The following MMP17 variants were observed in gnomAD, a reference collection of about 807,000 sequenced individuals.
MMP17 encodes matrix metalloproteinase-17.
Under a neutral mutation model 49.1 loss-of-function variants are expected in MMP17, and 54 were observed. That is an observed-to-expected ratio of 1.10 (90% CI 0.88 to 1.38). The LOEUF is 1.38. Ranked by LOEUF, MMP17 falls within the 40% of genes most tolerant of loss-of-function variation. The pLI is 0.00. For synonymous variants in MMP17, 397 were observed against 383.1 expected, an observed-to-expected ratio of 1.04 and a Z score of -0.42; for missense variants, 837 against 853.7, an observed-to-expected ratio of 0.98 and a Z score of 0.24.
At position 131,838,146 on chromosome 12, in the gene MMP17, T is replaced by G. The variant is rs765869796; in HGVS notation, c.160-49T>G. ...GGCCCGTGGCAGGCTTCTCACTGGG[T>G]AGGACCGGGCCCTCTGTTGCACCCC... On this transcript the variant is annotated intron_variant, in intron 1 of 9. Transcript: ENST00000360564. 35 of 1,554,914 alleles carry G rather than the reference T, an allele frequency of 2.3e-5. No individual in the cohort carries two copies. In the South Asian group the frequency reaches 4.2e-4, roughly 19 times the overall value.
chr12:131,845,040 C>A, intron 6 of MMP17, 78 bp from the exon 7 acceptor site: 1 of 1,358,444 alleles, frequency 7.4e-7, no homozygotes, highest in South Asian at 1.2e-5. Context: ...CCGCTCAGGT[C>A]AGGGGCTCTG....
intron 2 of MMP17, 119 bp downstream of exon 2, chr12:131,838,446 C>T (rs1887197765): frequency 1.4e-6 from 2 of 1,465,654 alleles, no homozygotes; most frequent in South Asian, 1.4e-5. Context: ...TGGGTCCTGG[C>T]CTGGTGTAGC....
intron 9 of MMP17, 137 bp from the exon 10 acceptor site, chr12:131,850,788 A>G (rs1593241054): frequency 4.8e-6 from 2 of 417,420 alleles, no homozygotes; most frequent in East Asian, 1.3e-4. Flanking sequence ...GTCTTGTGCA[A>G]GCCCCCTGCT....
Position 131,828,594 on chromosome 12 carries a change from C to T in MMP17, c.100C>T (p.Arg34Cys). 1 of 963,930 alleles carries T rather than the reference C, an allele frequency of 1.0e-6. No individual in the cohort carries two copies. The highest frequency in any genetic ancestry group is 1.3e-6 in the Non-Finnish European group (1 of 792,778). 59.7% of individuals were successfully genotyped at this position (963,930 alleles called of 1,614,324 possible). Residue 34 changes from arginine to cysteine, a missense_variant, in exon 1 of 10, where the codon CGC (arginine) becomes TGC (cysteine). Transcript: ENST00000360564. ...GCTGCTGCTGCTGGCGCTGGGGACC[C>T]GCGGGGGCTGCGCCGCGCCCGCACC... The part of the protein sequence containing the change: ...PLLLLLALGT[R>C]GGCAAPAPAP...
intron 8 of MMP17, among the ~76,000 whole-genome samples, chr12:131,845,961 G>A (rs1344724523): frequency 6.6e-6 from 1 of 152,162 alleles, no homozygotes; most frequent in Non-Finnish European, 1.5e-5. Flanking sequence ...TGCTAGGGCC[G>A]GCCTGCCTCT....
chr12:131,841,522 A>C, intron 4 of MMP17, 102 bp from the exon 5 acceptor site: 3 of 1,227,952 alleles, frequency 2.4e-6, no homozygotes, highest in Non-Finnish European at 3.5e-6. Context: ...GCATCGAGGC[A>C]TCCCCATGGT....
At chr12:131,830,075 T>C (rs2136303570) in intron 1 of MMP17, among the ~76,000 whole-genome samples, 1 of 152,116 alleles carries the variant, frequency 6.6e-6, no homozygotes, top group East Asian at 1.9e-4. Context: ...GCCTTCCAGG[T>C]CCGAGGGTGC....
At chr12:131,847,216 T>C (rs1014429879) in intron 8 of MMP17, among the ~76,000 whole-genome samples, 2 of 151,354 alleles carry the variant, frequency 1.3e-5, no homozygotes, top group Non-Finnish European at 2.9e-5. Flanking sequence ...ATCGAGACCA[T>C]CCTGGTTAAC....
At chr12:131,830,457 G>A (rs116241576) in intron 1 of MMP17, among the ~76,000 whole-genome samples, 1 of 152,248 alleles carries the variant, frequency 6.6e-6, no homozygotes, top group Non-Finnish European at 1.5e-5. Flanking sequence ...CCGGCCTGGC[G>A]TGGAGCCTCC....
chr12:131,842,530 T>G (rs11246845), intron 5 of MMP17, among the ~76,000 whole-genome samples: 59,435 of 151,690 alleles, frequency 0.39, 12,679 homozygotes, highest in East Asian at 0.5. Flanking sequence ...TCCCGGCACT[T>G]TGGGAGGCTG....
At chr12:131,831,805 A>G in intron 1 of MMP17, among the ~76,000 whole-genome samples, 2 of 104,170 alleles carry the variant, frequency 1.9e-5, no homozygotes, top group African/African-American at 7.9e-5. Flanking sequence ...CAGGGACAGG[A>G]AGGGGGAAGG....
intron 1 of MMP17, among the ~76,000 whole-genome samples, chr12:131,834,712 G>C (rs1886990991): frequency 6.6e-6 from 1 of 152,068 alleles, no homozygotes; most frequent in South Asian, 2.1e-4. Flanking sequence ...TTTGCCCCAG[G>C]ACTGTGCTCC....
intron 8 of MMP17, among the ~76,000 whole-genome samples, chr12:131,849,048 G>A (rs1041010518): frequency 3.3e-5 from 5 of 152,254 alleles, no homozygotes; most frequent in African/African-American, 7.2e-5. Context: ...CGGCTCTGCC[G>A]TCCCCATATC....
intron 8 of MMP17, among the ~76,000 whole-genome samples, chr12:131,847,412 CAAA>C (rs543194949): frequency 4.5e-5 from 3 of 66,912 alleles, no homozygotes; most frequent in Non-Finnish European, 6.7e-5. Context: ...GACTCCGTCT[CAAA>C]AAAAAAAAAA....
chr12:131,844,480 T>A (rs1229075773), intron 6 of MMP17: 1 of 272,150 alleles, frequency 3.7e-6, no homozygotes, highest in Non-Finnish European at 7.0e-6. Flanking sequence ...GTGCCAGGGC[T>A]GGGCCCAACT....
intron 3 of MMP17, among the ~76,000 whole-genome samples, chr12:131,839,206 C>T (rs1462205520): frequency 6.6e-6 from 1 of 152,170 alleles, no homozygotes; most frequent in Non-Finnish European, 1.5e-5. Context: ...CTGCCCTGTC[C>T]GCGCGCAGCC....
At chr12:131,848,449 A>C (rs960249210) in intron 8 of MMP17, among the ~76,000 whole-genome samples, 4 of 152,200 alleles carry the variant, frequency 2.6e-5, no homozygotes, top group Non-Finnish European at 5.9e-5. Flanking sequence ...AGCCATTTTG[A>C]AGCCACAGCT....
chr12:131,838,369 C>T (rs1285859397), intron 2 of MMP17, 42 bp downstream of exon 2: 1 of 1,601,184 alleles, frequency 6.2e-7, no homozygotes, highest in Admixed American at 1.7e-5. Context: ...TGGCCCCCGT[C>T]AGGTCTGCGC....
Position 131,846,271 on chromosome 12 carries a change from A to G in MMP17, c.1204+822A>G, listed in dbSNP as rs1593236818. On this transcript the variant is annotated intron_variant, in intron 8 of 9. Coordinates refer to ENST00000360564, the MANE Select transcript of MMP17 (RefSeq NM_016155.7). The surrounding 1 kb of genome is among the most constrained non-coding windows in gnomAD (Gnocchi z 4.6). The stretch of plus-strand genomic sequence containing the variant: ...CACCCTCAGCCACATCCCTCCTGCC[A>G]CCGCCTCTGTCTCCACCCGGCCGTC... Among the ~76,000 whole-genome samples the G allele has an allele frequency of 6.6e-6, 1 of 151,950 alleles. No homozygotes were observed. Among genetic ancestry groups the G allele is most frequent in the African/African-American group, 2.4e-5 (1 of 41,360 alleles).
Sources: gnomAD v4.1 joint callset for allele counts (sites outside exome capture counted in the v4.1 genomes callset) on GRCh38, gnomAD v4.1.1 for gene constraint, Gnocchi (gnomAD v3.1) non-coding constraint, MANE v1.5 for transcripts, NCBI Gene and HGNC (gene_info 2026-07-23, HGNC 2026-07-21) for gene names.